Variants in SGCZ observed in about 807,000 individuals in gnomAD.
SGCZ encodes the protein sarcoglycan zeta.
A neutral mutation model predicts 41.3 loss-of-function variants in SGCZ; 40 were observed. The ratio of observed to expected loss-of-function variants is 0.97; its 90% CI spans 0.75 to 1.26. SGCZ has a LOEUF of 1.26. Among genes scored for constraint, SGCZ ranks in the 50% most tolerant of loss-of-function variants. SGCZ has a pLI of 0.00. For missense variants in SGCZ, 552 were observed against 369.8 expected (o/e 1.49, Z -4.04); for synonymous variants, 206 against 137.5 (o/e 1.50, Z -3.49).
intron 3 of SGCZ, among the ~76,000 whole-genome samples, chr8:14,318,421 A>G (rs1405247373): frequency 6.6e-6 from 1 of 152,024 alleles, no homozygotes; most frequent in Non-Finnish European, 1.5e-5. Context: ...AAAAAGCAGA[A>G]GTCAAAAAAA....
chr8:15,179,805 C>A (rs532531292), intron 1 of SGCZ, among the ~76,000 whole-genome samples: 107 of 152,034 alleles, frequency 7.0e-4, no homozygotes, highest in Non-Finnish European at 1.2e-3. Flanking sequence ...TTGGAAGGCA[C>A]GTAACCTGAT....
At chr8:14,551,003 T>A (rs1803789779) in intron 2 of SGCZ, among the ~76,000 whole-genome samples, 1 of 152,014 alleles carries the variant, frequency 6.6e-6, no homozygotes, top group South Asian at 2.1e-4. Flanking sequence ...GTTTAATTAA[T>A]CAATTGCTTC....
intron 5 of SGCZ, among the ~76,000 whole-genome samples, chr8:14,133,287 T>C (rs1470311586): frequency 6.6e-6 from 1 of 152,230 alleles, no homozygotes; most frequent in Non-Finnish European, 1.5e-5. Flanking sequence ...TTGCTCCTGA[T>C]CCATTAATGC....
chr8:15,059,071 T>C (rs1209438659), intron 1 of SGCZ, among the ~76,000 whole-genome samples: 1 of 152,148 alleles, frequency 6.6e-6, no homozygotes, highest in Non-Finnish European at 1.5e-5. Flanking sequence ...ATGCTGGAAG[T>C]ATTATCAGCT....
intron 4 of SGCZ, among the ~76,000 whole-genome samples, chr8:14,220,137 A>G (rs1386748434): frequency 6.6e-6 from 1 of 152,202 alleles, no homozygotes; most frequent in Non-Finnish European, 1.5e-5. Flanking sequence ...AGATGCATAT[A>G]AACGTACACC....
At chr8:14,899,687 T>G (rs17463646) in intron 1 of SGCZ, among the ~76,000 whole-genome samples, 7,888 of 152,206 alleles carry the variant, frequency 0.052, 297 homozygotes, top group Non-Finnish European at 0.079. Flanking sequence ...CAGGTTCTTT[T>G]GACCTCGGGA....
chr8:14,869,703 C>G (rs764269392), intron 1 of SGCZ, among the ~76,000 whole-genome samples: 13 of 152,044 alleles, frequency 8.6e-5, no homozygotes, highest in Non-Finnish European at 1.8e-4. Flanking sequence ...TTGTCTCAGC[C>G]CAAAATCTCT....
intron 1 of SGCZ, among the ~76,000 whole-genome samples, chr8:14,998,859 T>C (rs1382587436): frequency 6.6e-6 from 1 of 152,212 alleles, no homozygotes; most frequent in Non-Finnish European, 1.5e-5. Context: ...TGTCTCTATA[T>C]CATCCTAGCT....
intron 3 of SGCZ, among the ~76,000 whole-genome samples, chr8:14,323,849 TAGAG>T (rs977487105): frequency 7.9e-5 from 12 of 152,056 alleles, no homozygotes; most frequent in East Asian, 1.9e-4. Context: ...CCAGTGAAAA[TAGAG>T]AGGCACATTT....
At chr8:14,600,347 A>C (rs1027041652) in intron 1 of SGCZ, among the ~76,000 whole-genome samples, 1 of 152,190 alleles carries the variant, frequency 6.6e-6, no homozygotes, top group African/African-American at 2.4e-5. Flanking sequence ...GTAAATCTCC[A>C]GATATTCCTC....
At chr8:15,234,735 CA>C (rs1193772796) in intron 1 of SGCZ, among the ~76,000 whole-genome samples, 1 of 152,028 alleles carries the variant, frequency 6.6e-6, no homozygotes, top group Non-Finnish European at 1.5e-5. Context: ...TTTAAAAAAC[CA>C]ATGTTTGCAC....
intron 1 of SGCZ, among the ~76,000 whole-genome samples, chr8:14,788,444 GGAA>G (rs1449538023): frequency 2.0e-5 from 3 of 152,118 alleles, no homozygotes; most frequent in African/African-American, 7.2e-5. Flanking sequence ...CACAAAAAGT[GGAA>G]GATACTTTGT....
rs541162437 is a variant in SGCZ at position 14,693,533 on chromosome 8, C to G, written c.40-138607G>C. 8.0e-4 allele frequency among the ~76,000 whole-genome samples: 120 copies of G among 150,702 alleles called. 1 individual carries two copies. The highest frequency in any genetic ancestry group is 3.5e-4 in the Non-Finnish European group (24 of 67,798). On this transcript the variant is annotated intron_variant, in intron 1 of 7. Transcript: ENST00000382080. ...TCTCAAACTCAGGTGATCCACTCCCCTCGGCCTCCCAAAGTACTGGGATTA... is the reference window on the plus strand; with the variant it reads ...TCTCAAACTCAGGTGATCCACTCCCGTCGGCCTCCCAAAGTACTGGGATTA...
chr8:14,758,581 A>C (rs1200902069), intron 1 of SGCZ, among the ~76,000 whole-genome samples: 2 of 152,210 alleles, frequency 1.3e-5, no homozygotes, highest in Admixed American at 1.3e-4. Context: ...AGTGCCTTGG[A>C]TATTACACAA....
intron 5 of SGCZ, among the ~76,000 whole-genome samples, chr8:14,108,739 A>G (rs1277221551): frequency 2.0e-5 from 3 of 152,180 alleles, no homozygotes; most frequent in Non-Finnish European, 4.4e-5. Context: ...AATTGGAAGA[A>G]TATCACCAGG....
chr8:14,238,356 A>T (rs1806843572), intron 3 of SGCZ, among the ~76,000 whole-genome samples: 1 of 152,188 alleles, frequency 6.6e-6, no homozygotes, highest in South Asian at 2.1e-4. Context: ...CTGAGTAGAT[A>T]AAAAAATCTT....
At position 14,554,846 on chromosome 8, in the gene SGCZ, T is replaced by A. The variant is rs1803982955; in HGVS notation, c.120A>T (p.Gly40=). The part of the protein sequence containing the change: ...RTENAQLYPV[G]IYGWRKRCLY... ...AGCACCTCTTTCGCCATCCATAAAT[T>A]CCCACTGGGTAAAGTTGTGCATTCT... Residue 40 remains glycine (G), a synonymous_variant, in exon 2 of 8, where the codon GGA becomes GGT. Transcript: ENST00000382080. 2 of 1,613,290 alleles carry A rather than the reference T, an allele frequency of 1.2e-6. No individual in the cohort carries two copies. The highest frequency in any genetic ancestry group is 1.7e-6 in the Non-Finnish European group (2 of 1,179,554).
intron 1 of SGCZ, among the ~76,000 whole-genome samples, chr8:15,066,725 G>C (rs1805162889): frequency 2.0e-5 from 3 of 151,922 alleles, no homozygotes; most frequent in Admixed American, 1.3e-4. Flanking sequence ...GCATCACTAG[G>C]CTTTTAGACC....
At chr8:14,293,101 T>C (rs1268535173) in intron 3 of SGCZ, among the ~76,000 whole-genome samples, 1 of 151,992 alleles carries the variant, frequency 6.6e-6, no homozygotes, top group Non-Finnish European at 1.5e-5. Flanking sequence ...ATCTAAAAAG[T>C]ACAGCCAAAA....
Sources: allele counts gnomAD v4.1 joint callset (sites outside exome capture counted in the v4.1 genomes callset), GRCh38; gene constraint gnomAD v4.1.1; transcripts MANE v1.5; gene names NCBI Gene and HGNC (gene_info 2026-07-23, HGNC 2026-07-21).